FBXL5: variants seen among roughly 807,000 people sequenced by gnomAD.
FBXL5 encodes the protein F-box/LRR-repeat protein 5.
In FBXL5, 26 loss-of-function variants were observed where a neutral mutation model predicts 78.3. The ratio of observed to expected loss-of-function variants is 0.33; its 90% CI spans 0.24 to 0.46. The LOEUF (loss-of-function observed/expected upper bound fraction) is 0.46, where lower values mean the gene tolerates loss of function less well. FBXL5 is among the 20% of genes least tolerant of loss of function. FBXL5 has a pLI of 1.00. For missense variants in FBXL5, 710 were observed against 829.2 expected (o/e 0.86, Z 1.77); for synonymous variants, 295 against 282.5 (o/e 1.04, Z -0.45).
intron 1 of FBXL5, among the ~76,000 whole-genome samples, chr4:15,680,128 AC>A (rs1718163627): frequency 6.6e-6 from 1 of 152,288 alleles, no homozygotes; most frequent in African/African-American, 2.4e-5. Flanking sequence ...AAAAAAAAAA[AC>A]ATGAACAATG....
At chr4:15,607,739 C>T (rs1306548807) in intron 10 of FBXL5, among the ~76,000 whole-genome samples, 2 of 152,190 alleles carry the variant, frequency 1.3e-5, no homozygotes, top group African/African-American at 4.8e-5. Context: ...AGCCCTGCCT[C>T]ACTGCCATTC....
intron 2 of FBXL5, among the ~76,000 whole-genome samples, chr4:15,642,012 A>C (rs1453461451): frequency 6.6e-6 from 1 of 151,874 alleles, no homozygotes; most frequent in East Asian, 1.9e-4. Context: ...TGGGTGACAG[A>C]GCAAGACTCT....
chr4:15,629,344 T>TGA (rs960856624), intron 6 of FBXL5, among the ~76,000 whole-genome samples: 10 of 152,148 alleles, frequency 6.6e-5, no homozygotes, highest in Admixed American at 5.9e-4. Flanking sequence ...ATGAATAAAC[T>TGA]GAGACTTCCT....
intron 9 of FBXL5, among the ~76,000 whole-genome samples, chr4:15,616,299 C>T (rs1405774005): frequency 6.6e-6 from 1 of 152,250 alleles, no homozygotes; most frequent in Non-Finnish European, 1.5e-5. Context: ...TGCCTCTGCT[C>T]TGTCATACAG....
At chr4:15,638,191 T>C (rs188427349) in intron 4 of FBXL5, among the ~76,000 whole-genome samples, 1 of 152,314 alleles carries the variant, frequency 6.6e-6, no homozygotes, top group East Asian at 1.9e-4. Context: ...TTCAACAATT[T>C]TGACTGATCG....
chr4:15,605,158 A>G lies in FBXL5; in HGVS notation c.*565T>C, dbSNP rs1017108968. On this transcript the variant is annotated 3_prime_UTR_variant, in exon 11 of 11. Coordinates refer to ENST00000341285, the MANE Select transcript of FBXL5 (RefSeq NM_012161.4). ...AACAAATATCGATTGGTGCTTTCCT[A>G]GCTCACTGAGCTAACACTCAGAAGC... The G allele has an allele frequency of 1.3e-5, 2 of 152,830 alleles. No homozygotes were observed. Among genetic ancestry groups the G allele is most frequent in the East Asian group, 3.9e-4 (2 of 5,188 alleles). The allele number at this position is 152,830 out of a possible 1,614,324, so 9.5% of individuals were successfully genotyped here.
intron 1 of FBXL5, among the ~76,000 whole-genome samples, chr4:15,672,953 C>A (rs1717827358): frequency 6.6e-6 from 1 of 151,974 alleles, no homozygotes; most frequent in South Asian, 2.1e-4. Context: ...TAGACTTACA[C>A]AGGGTCACAA....
At chr4:15,640,765 C>A (rs1427730002) in intron 3 of FBXL5, 23 bp downstream of exon 3, 1 of 1,311,108 alleles carries the variant, frequency 7.6e-7, no homozygotes, top group Non-Finnish European at 1.1e-6. Flanking sequence ...AAATCTAAAT[C>A]ACGAAAGAAA....
chr4:15,641,147 T>C (rs1049306720), intron 2 of FBXL5, among the ~76,000 whole-genome samples: 2 of 152,166 alleles, frequency 1.3e-5, no homozygotes, highest in Non-Finnish European at 2.9e-5. Flanking sequence ...TTTATTGATG[T>C]ATATATAAAT....
chr4:15,665,294 A>T (rs949621311), intron 1 of FBXL5, among the ~76,000 whole-genome samples: 1 of 151,906 alleles, frequency 6.6e-6, no homozygotes, highest in Admixed American at 6.6e-5. Context: ...AGAGCCCCCT[A>T]CCTCCCTGGG....
chr4:15,604,626 T>C lies in FBXL5; in HGVS notation c.*1097A>G, dbSNP rs1304625042. The C allele has an allele frequency of 6.6e-6, 1 of 151,440 alleles. No individual in the cohort carries two copies. The highest frequency in any genetic ancestry group is 2.4e-5 in the African/African-American group (1 of 41,142). 9.4% of individuals were successfully genotyped at this position (151,440 alleles called of 1,614,324 possible). A position where few individuals can be genotyped will look rare whatever the true frequency, so the allele number is the denominator to read the frequency against. ...AAACCTTCCATTTGTAAAAAATGCA[T>C]TATTTGCAAAGTGCAATAAAGCAAA... On this transcript the variant is annotated 3_prime_UTR_variant, in exon 11 of 11. Transcript: ENST00000341285.
At chr4:15,665,729 A>C (rs757552889) in intron 1 of FBXL5, among the ~76,000 whole-genome samples, 2 of 152,174 alleles carry the variant, frequency 1.3e-5, no homozygotes, top group Non-Finnish European at 2.9e-5. Flanking sequence ...AAGAAACACA[A>C]ACTTAGGATG....
At chr4:15,626,836 G>C in intron 8 of FBXL5, 37 bp downstream of exon 8, 1 of 1,398,806 alleles carries the variant, frequency 7.1e-7, no homozygotes, top group Non-Finnish European at 9.7e-7. Flanking sequence ...TTATAAAATA[G>C]TTTTTCATTA....
Position 15,625,587 on chromosome 4 carries a change from A to G in FBXL5, c.1515T>C (p.Cys505=), listed in dbSNP as rs753853187. 6.2e-7 allele frequency: 1 copy of G among 1,614,228 alleles called. No individual in the cohort carries two copies. ...EWRHRNVESL[C]VMETASNFSC... ...TAAAGTTGGATGCTGTTTCCATTAC[A>G]CAAAGACTTTCAACATTTCTATGTC... Residue 505 remains cysteine, a synonymous_variant, in exon 9 of 11, where the codon TGT becomes TGC. Transcript: ENST00000341285.
At chr4:15,619,817 C>T (rs1470462955) in intron 9 of FBXL5, among the ~76,000 whole-genome samples, 1 of 152,048 alleles carries the variant, frequency 6.6e-6, no homozygotes, top group African/African-American at 2.4e-5. Context: ...CCCAGTTCCC[C>T]CCACCCTCCC....
intron 9 of FBXL5, among the ~76,000 whole-genome samples, chr4:15,614,273 T>G (rs1483260828): frequency 3.3e-5 from 5 of 152,082 alleles, no homozygotes; most frequent in East Asian, 1.9e-4. Flanking sequence ...CTGTGATGAG[T>G]CCTGTGATGG....
chr4:15,614,680 T>G (rs914781711), intron 9 of FBXL5, among the ~76,000 whole-genome samples: 2 of 152,078 alleles, frequency 1.3e-5, no homozygotes, highest in African/African-American at 4.8e-5. Flanking sequence ...CCCAGGCCAG[T>G]GGAGTTATAT....
At chr4:15,627,707 T>C (rs1261117062) in intron 7 of FBXL5, among the ~76,000 whole-genome samples, 178 bp downstream of exon 7, 1 of 152,208 alleles carries the variant, frequency 6.6e-6, no homozygotes, top group African/African-American at 2.4e-5. Context: ...GCTACAAAGA[T>C]TGTTGTGAGA....
rs138225245 is a variant in FBXL5, at chr4:15,636,602, G to A, written c.658C>T (p.Leu220Phe). 2.2e-5 allele frequency: 35 copies of A among 1,613,912 alleles called. No homozygotes were observed. Among genetic ancestry groups the A allele is most frequent in the Non-Finnish European group, 4.2e-6 (5 of 1,179,948 alleles). ...CATCGACATAACTCTTGAGGATTAA[G>A]ATAGCTGAAAATTGACAGCATTACC... ...PEVMLSIFSY[L>F]NPQELCRCSQ... Residue 220 changes from leucine to phenylalanine, a missense_variant, in exon 5 of 11, where the codon CTT (leucine) becomes TTT (phenylalanine). By Grantham distance (22) the Leu-to-Phe change is conservative (BLOSUM62 0). Around this residue, in one of 4 missense-constraint regions of FBXL5, gnomAD observed 517 missense variants for 542.9 expected, o/e 0.95. Coordinates refer to ENST00000341285, the MANE Select transcript of FBXL5 (RefSeq NM_012161.4).
Sources: allele counts gnomAD v4.1 joint callset (sites outside exome capture counted in the v4.1 genomes callset), GRCh38; gene constraint gnomAD v4.1.1; regional missense constraint gnomAD v4.1.1; transcripts MANE v1.5; gene names NCBI Gene and HGNC (gene_info 2026-07-23, HGNC 2026-07-21).